LPP: variants seen among roughly 807,000 people sequenced by gnomAD.
LPP encodes LIM domain containing preferred translocation partner in lipoma.
Under a neutral mutation model 60.4 loss-of-function variants are expected in LPP, and 38 were observed. That is an observed-to-expected ratio of 0.63 (90% confidence interval 0.49 to 0.83). The LOEUF is 0.83. LPP is among the 40% of genes least tolerant of loss of function. LPP has a pLI of 0.00. For synonymous variants in LPP, 328 were observed against 290.8 expected, an observed-to-expected ratio of 1.13 and a Z score of -1.30; for missense variants, 902 against 783.6, an observed-to-expected ratio of 1.15 and a Z score of -1.80.
At chr3:188,460,233 G>A (rs770145238) in intron 4 of LPP, among the ~76,000 whole-genome samples, 1 of 152,070 alleles carries the variant, frequency 6.6e-6, no homozygotes, top group Non-Finnish European at 1.5e-5. Context: ...TGCTGCAATT[G>A]GAGTGCAGAT....
At chr3:188,509,667 TTC>T (rs1177984373) in intron 5 of LPP, among the ~76,000 whole-genome samples, 5,406 of 44,752 alleles carry the variant, frequency 0.12, 285 homozygotes, top group Middle Eastern at 0.23. Flanking sequence ...CCTTCCTTCC[TTC>T]CTTCCTTCCT....
chr3:188,636,727 C>T (rs1312282167), intron 7 of LPP, among the ~76,000 whole-genome samples: 2 of 151,980 alleles, frequency 1.3e-5, no homozygotes, highest in African/African-American at 2.4e-5. Flanking sequence ...GGGCAGACTG[C>T]CTCCTCAAGT....
chr3:188,853,684 G>A (rs1167347419), intron 9 of LPP, among the ~76,000 whole-genome samples: 1 of 152,120 alleles, frequency 6.6e-6, no homozygotes, highest in Non-Finnish European at 1.5e-5. Context: ...TTAGAGCACA[G>A]GCATATAAAC....
chr3:188,485,255 G>A (rs1229791615), intron 5 of LPP, among the ~76,000 whole-genome samples: 2 of 152,100 alleles, frequency 1.3e-5, no homozygotes, highest in African/African-American at 4.8e-5. Flanking sequence ...TCCAGCGAGT[G>A]GTAATTGCAA....
chr3:188,209,037 C>T (rs777593165), intron 1 of LPP, among the ~76,000 whole-genome samples: 17 of 152,132 alleles, frequency 1.1e-4, no homozygotes, highest in African/African-American at 1.9e-4. Context: ...ATAAGCAGAG[C>T]GCCTATTTTA....
intron 4 of LPP, among the ~76,000 whole-genome samples, chr3:188,449,577 C>T (rs1317629366): frequency 6.6e-6 from 1 of 151,944 alleles, no homozygotes; most frequent in African/African-American, 2.4e-5. Flanking sequence ...AAAACTGAGA[C>T]ACAAAGAAAG....
chr3:188,777,258 G>T (rs1385682731), intron 9 of LPP, among the ~76,000 whole-genome samples: 1 of 151,434 alleles, frequency 6.6e-6, no homozygotes, highest in Non-Finnish European at 1.5e-5. Flanking sequence ...CTAAAACAGG[G>T]TTCTGACATC....
At chr3:188,819,027 CGTGT>C (rs59994224) in intron 9 of LPP, among the ~76,000 whole-genome samples, 67,919 of 142,016 alleles carry the variant, frequency 0.48, 16,358 homozygotes, top group East Asian at 0.66. Context: ...TCATGGGGGT[CGTGT>C]GTGTGTGTGT....
chr3:188,417,625 T>C (rs1786658390), intron 4 of LPP, among the ~76,000 whole-genome samples: 1 of 152,068 alleles, frequency 6.6e-6, no homozygotes, highest in African/African-American at 2.4e-5. Flanking sequence ...TAGAAATAGC[T>C]CCAGGAAGTT....
At chr3:188,853,912 C>T (rs1763239335) in intron 9 of LPP, among the ~76,000 whole-genome samples, 1 of 151,744 alleles carries the variant, frequency 6.6e-6, no homozygotes, top group South Asian at 2.1e-4. Flanking sequence ...TGATTTCACT[C>T]TTCTAATTTT....
At chr3:188,313,366 G>A (rs1467869514) in intron 2 of LPP, among the ~76,000 whole-genome samples, 3 of 151,238 alleles carry the variant, frequency 2.0e-5, no homozygotes, top group South Asian at 2.1e-4. Context: ...CTGGCTGGGC[G>A]TGGTGGCTCA....
intron 9 of LPP, among the ~76,000 whole-genome samples, chr3:188,797,573 T>G (rs1366161362): frequency 6.6e-6 from 1 of 152,140 alleles, no homozygotes; most frequent in African/African-American, 2.4e-5. Context: ...TGTGTTCCCC[T>G]AAAGCTCCCA....
intron 7 of LPP, among the ~76,000 whole-genome samples, chr3:188,687,722 A>G (rs1861105690): frequency 6.6e-6 from 1 of 151,040 alleles, no homozygotes; most frequent in Non-Finnish European, 1.5e-5. Flanking sequence ...TGATTTCTTG[A>G]CCAAAGCTCT....
chr3:188,276,695 T>C (rs147497268), intron 2 of LPP, among the ~76,000 whole-genome samples: 628 of 16,252 alleles, frequency 0.039, 10 homozygotes, highest in African/African-American at 0.23. Context: ...CTCTCTCTCT[T>C]TCTCTCTCTC....
chr3:188,213,961 A>AACACACACTCACACAC, intron 1 of LPP, among the ~76,000 whole-genome samples: 1 of 130,324 alleles, frequency 7.7e-6, no homozygotes. Flanking sequence ...TTAGATTTTA[A>AACACACACTCACACAC]ACACACACAC....
intron 8 of LPP, among the ~76,000 whole-genome samples, chr3:188,738,427 A>G (rs1049399096): frequency 5.9e-5 from 9 of 152,202 alleles, no homozygotes; most frequent in Admixed American, 3.9e-4. Context: ...TGTAAGTAAC[A>G]GAGCCAAATT....
chr3:188,441,112 A>G (rs982895181), intron 4 of LPP, among the ~76,000 whole-genome samples: 1 of 152,062 alleles, frequency 6.6e-6, no homozygotes, highest in Non-Finnish European at 1.5e-5. Flanking sequence ...TCACTTTTCA[A>G]AATGTATTTA....
intron 1 of LPP, among the ~76,000 whole-genome samples, chr3:188,177,577 C>G (rs1004071712): frequency 6.6e-6 from 1 of 151,950 alleles, no homozygotes; most frequent in Non-Finnish European, 1.5e-5. Context: ...AGAGGCCTGG[C>G]TAGGAGTTGG....
chr3:188,708,146 T>A (rs1577125975), intron 7 of LPP, 121 bp from the exon 8 acceptor site: 6 of 1,056,274 alleles, frequency 5.7e-6, no homozygotes, highest in Non-Finnish European at 8.2e-6. Context: ...AAAACCCAGG[T>A]CTCCTGACAG....
Sources: gnomAD v4.1 joint callset for allele counts (sites outside exome capture counted in the v4.1 genomes callset) on GRCh38, gnomAD v4.1.1 for gene constraint, MANE v1.5 for transcripts, NCBI Gene and HGNC (gene_info 2026-07-23, HGNC 2026-07-21) for gene names.